Variants in SGMS1 observed in about 807,000 individuals in gnomAD.
SGMS1 encodes the protein phosphatidylcholine:ceramide cholinephosphotransferase 1.
A neutral mutation model predicts 46.2 loss-of-function variants in SGMS1; 13 were observed. The observed-to-expected ratio is 0.28, with a 90% CI of 0.18 to 0.45. SGMS1 has a LOEUF of 0.45. Among genes scored for constraint, SGMS1 ranks in the 20% least tolerant of loss-of-function variants. The pLI is 1.00. For missense variants in SGMS1, 324 were observed against 519.9 expected (o/e 0.62, Z 3.66); for synonymous variants, 203 against 187.8 (o/e 1.08, Z -0.66).
intron 8 of SGMS1, among the ~76,000 whole-genome samples, chr10:50,316,530 T>A (rs954044328): frequency 6.6e-6 from 1 of 152,214 alleles, no homozygotes; most frequent in African/African-American, 2.4e-5. Flanking sequence ...AAGGAACTTT[T>A]CCTTCAGCAG....
At chr10:50,329,364 T>A (rs960036567) in intron 7 of SGMS1, among the ~76,000 whole-genome samples, 2 of 152,242 alleles carry the variant, frequency 1.3e-5, no homozygotes, top group African/African-American at 4.8e-5. Flanking sequence ...AAGAGTCAAA[T>A]GACTTTGAAA....
intron 8 of SGMS1, among the ~76,000 whole-genome samples, chr10:50,323,777 A>G (rs1847485964): frequency 6.6e-6 from 1 of 152,136 alleles, no homozygotes; most frequent in African/African-American, 2.4e-5. Context: ...GAAATCTATT[A>G]TCAAGTTGTA....
Position 50,344,341 on chromosome 10 carries a change from T to C in SGMS1, c.-227A>G. 2.0e-6 allele frequency: 1 copy of C among 488,224 alleles called. No individual in the cohort carries two copies. The allele number at this position is 488,224 out of a possible 1,614,324, so 30.2% of individuals were successfully genotyped here. ...TCACCTCATTTTTGAGCAGGATTCT[T>C]CCTTCTGTGAAAGCAAGAGAAAATA... On this transcript the variant is annotated 5_prime_UTR_variant, in exon 7 of 11. Coordinates refer to ENST00000361781, the MANE Select transcript of SGMS1 (RefSeq NM_147156.4).
At chr10:50,383,934 G>A (rs1339162387) in intron 6 of SGMS1, among the ~76,000 whole-genome samples, 6 of 152,024 alleles carry the variant, frequency 3.9e-5, no homozygotes, top group African/African-American at 1.5e-4. Context: ...GACCTTTTGG[G>A]GATAATTAGA....
chr10:50,376,213 T>C (rs1402112664), intron 6 of SGMS1, among the ~76,000 whole-genome samples: 1 of 152,142 alleles, frequency 6.6e-6, no homozygotes, highest in African/African-American at 2.4e-5. Context: ...GGATAGAGGA[T>C]ATACACTAAA....
At chr10:50,353,186 T>G (rs1399601008) in intron 6 of SGMS1, among the ~76,000 whole-genome samples, 1 of 152,284 alleles carries the variant, frequency 6.6e-6, no homozygotes, top group Non-Finnish European at 1.5e-5. Flanking sequence ...GCAAAAATCC[T>G]CAATAAAATA....
chr10:50,520,797 G>C (rs1353004958), intron 2 of SGMS1, among the ~76,000 whole-genome samples: 1 of 152,192 alleles, frequency 6.6e-6, no homozygotes, highest in Non-Finnish European at 1.5e-5. Flanking sequence ...CCAAAGGGTA[G>C]AAAATCCACA....
intron 2 of SGMS1, among the ~76,000 whole-genome samples, chr10:50,535,132 T>C (rs1277990803): frequency 6.6e-6 from 1 of 151,860 alleles, no homozygotes; most frequent in Non-Finnish European, 1.5e-5. Flanking sequence ...CTCGGGAGCC[T>C]GAGGGAGGAG....
intron 5 of SGMS1, among the ~76,000 whole-genome samples, chr10:50,439,184 G>T (rs746170641): frequency 6.6e-6 from 1 of 152,038 alleles, no homozygotes; most frequent in Non-Finnish European, 1.5e-5. Flanking sequence ...TCTAATATGG[G>T]CGCCTTAAAA....
At chr10:50,329,984 A>G in intron 7 of SGMS1, among the ~76,000 whole-genome samples, 1 of 152,368 alleles carries the variant, frequency 6.6e-6, no homozygotes, top group South Asian at 2.1e-4. Flanking sequence ...TATGAATAAA[A>G]GTGTTAACAT....
At chr10:50,367,641 G>A (rs532127815) in intron 6 of SGMS1, among the ~76,000 whole-genome samples, 2 of 152,152 alleles carry the variant, frequency 1.3e-5, no homozygotes, top group Non-Finnish European at 2.9e-5. Context: ...ATGCATTAAG[G>A]TTTTCTTTTC....
intron 2 of SGMS1, among the ~76,000 whole-genome samples, chr10:50,553,199 T>C (rs1838162578): frequency 6.6e-6 from 1 of 152,236 alleles, no homozygotes; most frequent in Non-Finnish European, 1.5e-5. Flanking sequence ...AGCAAGGTTT[T>C]ATCATCCACT....
chr10:50,470,893 T>C (rs1382860133), intron 3 of SGMS1, among the ~76,000 whole-genome samples: 1 of 152,184 alleles, frequency 6.6e-6, no homozygotes, highest in East Asian at 1.9e-4. Context: ...TCCCTTTTCC[T>C]GTAAAACGCA....
At chr10:50,592,306 G>A (rs1425558344) in intron 1 of SGMS1, among the ~76,000 whole-genome samples, 2 of 152,208 alleles carry the variant, frequency 1.3e-5, no homozygotes, top group Non-Finnish European at 2.9e-5. Flanking sequence ...ATTAAAACAA[G>A]TATAAATTAT....
At chr10:50,393,024 T>A (rs561239851) in intron 6 of SGMS1, among the ~76,000 whole-genome samples, 2 of 152,108 alleles carry the variant, frequency 1.3e-5, no homozygotes, top group Non-Finnish European at 2.9e-5. Context: ...AAAAAATTTA[T>A]GTTGGGTGGT....
At chr10:50,624,051 C>T, upstream of SGMS1, 1 of 985,438 alleles carries the variant, frequency 1.0e-6, no homozygotes, top group Non-Finnish European at 1.2e-6. Context: ...GGGGGGCGGG[C>T]CGGCCGGGCG....
intron 6 of SGMS1, among the ~76,000 whole-genome samples, chr10:50,348,529 A>G (rs1847952201): frequency 6.6e-6 from 1 of 152,166 alleles, no homozygotes; most frequent in African/African-American, 2.4e-5. Context: ...ATAATAGACA[A>G]GCAGAAAGCC....
chr10:50,378,275 C>CA (rs1848547915), intron 6 of SGMS1, among the ~76,000 whole-genome samples: 1 of 152,134 alleles, frequency 6.6e-6, no homozygotes, highest in African/African-American at 2.4e-5. Flanking sequence ...TACGGCAGAG[C>CA]AACCCAAACA....
At chr10:50,423,533 T>G (rs1849282384) in intron 6 of SGMS1, among the ~76,000 whole-genome samples, 2 of 152,208 alleles carry the variant, frequency 1.3e-5, no homozygotes, top group South Asian at 4.1e-4. Flanking sequence ...CATCATCACC[T>G]ATCAAGAAAT....
Sources: gnomAD v4.1 joint callset for allele counts (sites outside exome capture counted in the v4.1 genomes callset) on GRCh38, gnomAD v4.1.1 for gene constraint, MANE v1.5 for transcripts, NCBI Gene and HGNC (gene_info 2026-07-23, HGNC 2026-07-21) for gene names.